Variants in NHS observed in about 807,000 individuals in gnomAD.
The protein encoded by NHS is actin remodeling regulator NHS.
In NHS, 5 loss-of-function variants were observed where a neutral mutation model predicts 72.5. The observed-to-expected ratio is 0.07, with a 90% CI of 0.04 to 0.14. The LOEUF (loss-of-function observed/expected upper bound fraction) is 0.14. Ranked by LOEUF, NHS falls within the 10% of genes least tolerant of loss-of-function variation. NHS has a pLI of 1.00. For missense variants in NHS, 1,072 were observed against 1,355.7 expected, an observed-to-expected ratio of 0.79 and a Z score of 3.29; for synonymous variants, 464 against 547.7, an observed-to-expected ratio of 0.85 and a Z score of 2.13.
chrX:17,390,655 G>A (rs2064440282), intron 1 of NHS, among the ~76,000 whole-genome samples: 1 of 112,112 alleles, frequency 8.9e-6, no homozygotes, highest in Admixed American at 9.5e-5. Context: ...TATCACTTGT[G>A]TTAAATGCCT....
At chrX:17,658,079 T>C (rs1203555799) in intron 1 of NHS, among the ~76,000 whole-genome samples, 1 of 112,751 alleles carries the variant, frequency 8.9e-6, no homozygotes, top group East Asian at 2.8e-4. Context: ...CTGAGGACTT[T>C]GCAGTGATTG....
chrX:17,540,807 C>T (rs779683848), intron 1 of NHS, among the ~76,000 whole-genome samples: 1 of 112,201 alleles, frequency 8.9e-6, no homozygotes, highest in Non-Finnish European at 1.9e-5. Context: ...GGGCTGGGCA[C>T]GGTGGCTTAT....
intron 1 of NHS, among the ~76,000 whole-genome samples, chrX:17,610,549 A>G (rs1354011713): frequency 1.8e-5 from 2 of 112,167 alleles, no homozygotes; most frequent in African/African-American, 6.5e-5. Context: ...ATAGCCCTCC[A>G]GGTCATCCTT....
chrX:17,701,061 A>C (rs1415233958), intron 3 of NHS, among the ~76,000 whole-genome samples: 2 of 112,228 alleles, frequency 1.8e-5, no homozygotes, highest in Admixed American at 9.4e-5. Context: ...ATTGTTTTAC[A>C]ATTACCTACT....
intron 1 of NHS, among the ~76,000 whole-genome samples, chrX:17,525,673 G>A (rs1235317292): frequency 4.3e-5 from 4 of 93,348 alleles, no homozygotes; most frequent in African/African-American, 1.6e-4. Context: ...ACAGTGGAAG[G>A]GGTTTTTATG....
chrX:17,703,113 TA>T (rs999410510), intron 3 of NHS, among the ~76,000 whole-genome samples: 1 of 106,770 alleles, frequency 9.4e-6, no homozygotes, highest in African/African-American at 3.4e-5. Flanking sequence ...ATAAGAAAAA[TA>T]AAAAAAGAAA....
intron 1 of NHS, among the ~76,000 whole-genome samples, chrX:17,515,378 TG>T (rs2065114402): frequency 8.9e-6 from 1 of 112,140 alleles, no homozygotes; most frequent in African/African-American, 3.2e-5. Flanking sequence ...ATAGGATAAA[TG>T]GTGATTCAAC....
At chrX:17,401,981 A>G (rs143648299) in intron 1 of NHS, among the ~76,000 whole-genome samples, 1 of 112,039 alleles carries the variant, frequency 8.9e-6, no homozygotes, top group East Asian at 2.8e-4. Flanking sequence ...AAAGTATATA[A>G]CTCAACAATA....
At chrX:17,380,584 C>A (rs985780651) in intron 1 of NHS, among the ~76,000 whole-genome samples, 3 of 111,128 alleles carry the variant, frequency 2.7e-5, no homozygotes, top group African/African-American at 9.9e-5. Context: ...AACTCTTGCG[C>A]TGAAGCAGTC....
At chrX:17,391,314 G>A (rs1417806255) in intron 1 of NHS, among the ~76,000 whole-genome samples, 8 of 111,736 alleles carry the variant, frequency 7.2e-5, no homozygotes, top group Non-Finnish European at 9.4e-5. Context: ...CCACTTACCA[G>A]CTGTGTGACC....
At chrX:17,456,563 T>C (rs190445257) in intron 1 of NHS, among the ~76,000 whole-genome samples, 198 of 112,439 alleles carry the variant, frequency 1.8e-3, no homozygotes, top group Non-Finnish European at 2.3e-3. Context: ...AAACTGGTAA[T>C]GCCATTTTAA....
intron 1 of NHS, among the ~76,000 whole-genome samples, chrX:17,533,100 G>T (rs2065206591): frequency 8.9e-6 from 1 of 111,822 alleles, no homozygotes; most frequent in African/African-American, 3.3e-5. Flanking sequence ...TAAGTTGCTG[G>T]CAAGTGTCTG....
At chrX:17,534,854 C>T (rs2065215849) in intron 1 of NHS, among the ~76,000 whole-genome samples, 3 of 112,167 alleles carry the variant, frequency 2.7e-5, no homozygotes, top group Non-Finnish European at 3.8e-5. Flanking sequence ...GTGTCCTACT[C>T]CAAGTGTCTG....
intron 1 of NHS, among the ~76,000 whole-genome samples, chrX:17,486,977 C>T (rs2064969997): frequency 9.0e-6 from 1 of 111,479 alleles, no homozygotes; most frequent in South Asian, 3.8e-4. Context: ...GAACTTGTTG[C>T]AGGGCACACA....
chrX:17,681,273 CTTT>C (rs2066127327), intron 1 of NHS, among the ~76,000 whole-genome samples: 1 of 112,326 alleles, frequency 8.9e-6, no homozygotes, highest in African/African-American at 3.2e-5. Context: ...TCCCAATCTT[CTTT>C]TGTTTTCAGC....
At chrX:17,596,197 T>C (rs2065623610) in intron 1 of NHS, among the ~76,000 whole-genome samples, 1 of 112,541 alleles carries the variant, frequency 8.9e-6, no homozygotes, top group Non-Finnish European at 1.9e-5. Flanking sequence ...CTTGTCACTA[T>C]GGATGCAAGT....
intron 1 of NHS, among the ~76,000 whole-genome samples, chrX:17,534,581 C>T (rs1034503512): frequency 9.0e-6 from 1 of 111,530 alleles, no homozygotes. Flanking sequence ...AATGGCAACT[C>T]CCCAGGGTCT....
intron 1 of NHS, among the ~76,000 whole-genome samples, chrX:17,558,157 CAAT>C (rs1376738488): frequency 1.3e-4 from 15 of 111,525 alleles, no homozygotes; most frequent in African/African-American, 4.2e-4. Flanking sequence ...AAATATCTTA[CAAT>C]AAATTTTTAA....
chrX:17,593,624 A>G (rs2065612778), intron 1 of NHS, among the ~76,000 whole-genome samples: 1 of 111,698 alleles, frequency 9.0e-6, no homozygotes, highest in African/African-American at 3.3e-5. Context: ...CTTCAAGAAT[A>G]AACGACTTAT....
Sources: allele counts gnomAD v4.1 joint callset (sites outside exome capture counted in the v4.1 genomes callset), GRCh38; gene constraint gnomAD v4.1.1; transcripts MANE v1.5; gene names NCBI Gene and HGNC (gene_info 2026-07-23, HGNC 2026-07-21).